Variants in R3HDM4 observed in about 807,000 individuals in gnomAD.
R3HDM4 encodes R3H domain containing 4.
Under a neutral mutation model 31.3 loss-of-function variants are expected in R3HDM4, and 30 were observed. That is an observed-to-expected ratio of 0.96 (90% CI 0.72 to 1.30). The LOEUF (loss-of-function observed/expected upper bound fraction) is 1.30. Among genes scored for constraint, R3HDM4 ranks in the 50% most tolerant of loss-of-function variants. R3HDM4 has a pLI of 0.00. For missense variants in R3HDM4, 444 were observed against 366.1 expected (o/e 1.21, Z -1.74); for synonymous variants, 196 against 156.6 (o/e 1.25, Z -1.88).
In R3HDM4 at chr19:907,977, G is replaced by C. The variant is rs561342955; in HGVS notation, c.71+5110C>G. Among the ~76,000 whole-genome samples, 1 of 151,684 alleles carries C rather than the reference G, an allele frequency of 6.6e-6. No individual in the cohort carries two copies. The highest frequency in any genetic ancestry group is 2.4e-5 in the African/African-American group (1 of 41,270). On this transcript the variant is annotated intron_variant, in intron 1 of 7. Transcript: ENST00000361574. The surrounding 1 kb of genome is among the most constrained non-coding windows in gnomAD (Gnocchi z 4.1). Reference sequence around the variant, plus strand: ...TGGGAGGCCGAGGCGGGCGGATCATGAGGTCAAGAGATGGAGACCATCCTG... The same window carrying C: ...TGGGAGGCCGAGGCGGGCGGATCATCAGGTCAAGAGATGGAGACCATCCTG...
intron 3 of R3HDM4, 80 bp from the exon 4 acceptor site, chr19:901,032 G>C: frequency 6.8e-7 from 1 of 1,474,038 alleles, no homozygotes. Context: ...GGCACGGTAA[G>C]GCCGCCAAGC....
chr19:909,296 C>A (rs1473034318), intron 1 of R3HDM4, among the ~76,000 whole-genome samples: 3 of 152,296 alleles, frequency 2.0e-5, no homozygotes, highest in African/African-American at 7.2e-5. Context: ...CTAGAGACAG[C>A]AAGAGAGGAA....
intron 3 of R3HDM4, 39 bp downstream of exon 3, chr19:901,383 G>A (rs1315172344): frequency 6.3e-7 from 1 of 1,584,958 alleles, no homozygotes. Flanking sequence ...AACTGCCGGG[G>A]TCCCCGTGTG....
rs1206484567 is a variant in R3HDM4 at position 896,778 on chromosome 19, T to A, written c.*659A>T. The A allele has an allele frequency of 6.6e-6, 1 of 152,486 alleles. No individual in the cohort carries two copies. Among genetic ancestry groups the A allele is most frequent in the African/African-American group, 2.4e-5 (1 of 41,414 alleles). The allele number at this position is 152,486 out of a possible 1,614,324, so 9.4% of individuals were successfully genotyped here. On this transcript the variant is annotated 3_prime_UTR_variant, in exon 8 of 8. Coordinates refer to ENST00000361574, the MANE Select transcript of R3HDM4 (RefSeq NM_138774.4). The surrounding 1 kb of genome is among the most constrained non-coding windows in gnomAD (Gnocchi z 4.0). ...GGGGAGGAAAGGAAGGGGGCTCATA[T>A]AAAGCAGGAGACCCTGAGCCCCGAC...
Position 901,154 on chromosome 19 carries a change from G to A in R3HDM4, c.352-202C>T, listed in dbSNP as rs1357414382. On this transcript the variant is annotated intron_variant, in intron 3 of 7. Coordinates refer to ENST00000361574, the MANE Select transcript of R3HDM4 (RefSeq NM_138774.4). ...ACCGGGGTGGGCCCAGCTGTCTCGG[G>A]GTGGGGGGGATTGAGGTGAAACACT... is the stretch of plus-strand genomic sequence containing the variant. 2.1e-5 allele frequency: 15 copies of A among 711,608 alleles called. 1 individual carries two copies. In the Middle Eastern group the frequency reaches 1.6e-3, roughly 76 times the overall value. 44.1% of individuals were successfully genotyped at this position (711,608 alleles called of 1,614,324 possible).
Position 901,013 on chromosome 19 carries a change from G to T in R3HDM4, c.352-61C>A, listed in dbSNP as rs992969548. On this transcript the variant is annotated intron_variant, in intron 3 of 7. Coordinates refer to ENST00000361574, the MANE Select transcript of R3HDM4 (RefSeq NM_138774.4). ...ACACTGGGGCTGCGCTGACATCCCCGGGCAAATGGGCACGGTAAGGCCGCC... is the reference window on the plus strand; with the variant it reads ...ACACTGGGGCTGCGCTGACATCCCCTGGCAAATGGGCACGGTAAGGCCGCC... The T allele has an allele frequency of 6.0e-6, 9 of 1,498,126 alleles. No individual in the cohort carries two copies. In the African/African-American group the frequency reaches 8.5e-5, roughly 14 times the overall value. The allele number at this position is 1,498,126 out of a possible 1,614,324, so 92.8% of individuals were successfully genotyped here.
chr19:905,236 G>A (rs1461336227), intron 1 of R3HDM4, among the ~76,000 whole-genome samples: 1 of 151,602 alleles, frequency 6.6e-6, no homozygotes, highest in Non-Finnish European at 1.5e-5. Context: ...GGGCGCAGTG[G>A]CTTATGCCTG....
In R3HDM4 at chr19:897,549, G is replaced by C. The variant is rs375610312; in HGVS notation, c.704-9C>G. On this transcript the variant is annotated splice_polypyrimidine_tract_variant and intron_variant, in intron 7 of 7. Coordinates refer to ENST00000361574, the MANE Select transcript of R3HDM4 (RefSeq NM_138774.4). ...CCCCTCCAGGTCAGCACCTGCAGAC[G>C]GGACCAGCGGGGCAAGAACGGGAGG... The C allele has an allele frequency of 6.3e-7, 1 of 1,599,878 alleles. No individual in the cohort carries two copies. The highest frequency in any genetic ancestry group is 8.5e-7 in the Non-Finnish European group (1 of 1,172,368).
At chr19:902,241 C>A (rs1483535665) in intron 1 of R3HDM4, 111 bp from the exon 2 acceptor site, 8 of 1,224,488 alleles carry the variant, frequency 6.5e-6, no homozygotes, top group Non-Finnish European at 9.2e-6. Flanking sequence ...GGAGAGCTCA[C>A]CCCTACGGTG....
chr19:903,856 C>G lies in R3HDM4; in HGVS notation c.72-1726G>C, dbSNP rs533506748. ...ATGAGGTCAGGAGATTGAGACCATC[C>G]CGGCTAACACGGTGAAACCCCGTCT... is the stretch of plus-strand genomic sequence containing the variant. On this transcript the variant is annotated intron_variant, in intron 1 of 7. Coordinates refer to ENST00000361574, the MANE Select transcript of R3HDM4 (RefSeq NM_138774.4). 1.8e-3 allele frequency among the ~76,000 whole-genome samples: 275 copies of G among 152,208 alleles called. 1 individual carries two copies. Among genetic ancestry groups the G allele is most frequent in the African/African-American group, 6.4e-3 (267 of 41,542 alleles).
Position 897,343 on chromosome 19 carries a change from A to T in R3HDM4, c.*94T>A. The stretch of plus-strand genomic sequence containing the variant: ...CCCCAAGCGAAAAAGGTTTCCGAGG[A>T]CAAATTCTAAAAATATGAAAGATAT... On this transcript the variant is annotated 3_prime_UTR_variant, in exon 8 of 8. Coordinates refer to ENST00000361574, the MANE Select transcript of R3HDM4 (RefSeq NM_138774.4). 1 of 990,882 alleles carries T rather than the reference A, an allele frequency of 1.0e-6. No homozygotes were observed. The highest frequency in any genetic ancestry group is 1.5e-6 in the Non-Finnish European group (1 of 681,862). 61.4% of individuals were successfully genotyped at this position (990,882 alleles called of 1,614,324 possible).
intron 1 of R3HDM4, among the ~76,000 whole-genome samples, chr19:904,313 C>G (rs556659825): frequency 5.9e-5 from 9 of 152,334 alleles, no homozygotes; most frequent in Admixed American, 2.0e-4. Context: ...GCTGTAACCC[C>G]CACCGCCGGC....
chr19:902,007 C>A lies in R3HDM4; in HGVS notation c.195G>T (p.Lys65Asn), dbSNP rs758339277. The stretch of plus-strand genomic sequence containing the variant: ...CCAGGCGCTGGAGGCTCTTCCGCCC[C>A]TTGGCCTTGGGCACGAGGTCTGAGT... ...VRNSDLVPKA[K>N]GRKSLQRLEN... The change falls in exon 2 of 8, where the codon AAG becomes AAT. Residue 65 changes from lysine (K) to asparagine (N), a missense_variant. Physicochemically the swap from Lys to Asn is moderately conservative, Grantham distance 94 (BLOSUM62 0). Coordinates refer to ENST00000361574, the MANE Select transcript of R3HDM4 (RefSeq NM_138774.4). The A allele has an allele frequency of 6.2e-7, 1 of 1,613,870 alleles. No individual in the cohort carries two copies. The highest frequency in any genetic ancestry group is 8.5e-7 in the Non-Finnish European group (1 of 1,180,020).
chr19:903,466 C>G (rs1027118836), intron 1 of R3HDM4, among the ~76,000 whole-genome samples: 1 of 151,510 alleles, frequency 6.6e-6, no homozygotes, highest in Non-Finnish European at 1.5e-5. Flanking sequence ...TGGGGGTAAG[C>G]GCGCACCGCA....
At chr19:901,686 G>A (rs2036839573) in intron 2 of R3HDM4, 140 bp from the exon 3 acceptor site, 4 of 1,165,226 alleles carry the variant, frequency 3.4e-6, no homozygotes, top group Admixed American at 2.7e-5. Flanking sequence ...TCCCCAGAAG[G>A]TACAGAGACC....
Position 900,966 on chromosome 19 carries a change from A to G in R3HDM4, c.352-14T>C, listed in dbSNP as rs772358910. Reference sequence around the variant, plus strand: ...ATCGTTCCAGACCTGGAAGAGAGGCAGGGAGGCAGGCTTGCCATGAAACAC... The same window carrying G: ...ATCGTTCCAGACCTGGAAGAGAGGCGGGGAGGCAGGCTTGCCATGAAACAC... On this transcript the variant is annotated splice_polypyrimidine_tract_variant and intron_variant, in intron 3 of 7. Coordinates refer to ENST00000361574, the MANE Select transcript of R3HDM4 (RefSeq NM_138774.4). 5 of 1,556,470 alleles carry G rather than the reference A, an allele frequency of 3.2e-6. No individual in the cohort carries two copies. Among genetic ancestry groups the G allele is most frequent in the Non-Finnish European group, 3.5e-6 (4 of 1,149,888 alleles).
In R3HDM4 at chr19:907,109, C is replaced by T. The variant is rs947791335; in HGVS notation, c.72-4979G>A. The stretch of plus-strand genomic sequence containing the variant: ...GGATTACAGGCATGAGCTACCACGC[C>T]CGGCCCTCATTATACAGATTTGTAA... On this transcript the variant is annotated intron_variant, in intron 1 of 7. Transcript: ENST00000361574. The surrounding 1 kb of genome is among the most constrained non-coding windows in gnomAD (Gnocchi z 4.1). 6.6e-6 allele frequency among the ~76,000 whole-genome samples: 1 copy of T among 152,162 alleles called. No individual in the cohort carries two copies. The highest frequency in any genetic ancestry group is 2.4e-5 in the African/African-American group (1 of 41,440).
At position 897,427 on chromosome 19, in the gene R3HDM4, G is replaced by A. The variant is rs368321069; in HGVS notation, c.*10C>T. ...GGCGAGGTGGCAGCGGGGTCTCCGC[G>A]GGGCCGCCATCAGCTGTGCTGCTCC... On this transcript the variant is annotated 3_prime_UTR_variant, in exon 8 of 8. Transcript: ENST00000361574. The A allele has an allele frequency of 9.3e-5, 148 of 1,587,980 alleles. 1 individual carries two copies. The highest frequency in any genetic ancestry group is 4.7e-4 in the South Asian group (42 of 88,518).
rs751835405 is a variant in R3HDM4 at position 900,870 on chromosome 19, GCCTTGCTCCTGC to G, written c.422_433del (p.Gly141_Lys144del). 1 of 1,549,258 alleles carries G rather than the reference GCCTTGCTCCTGC, an allele frequency of 6.5e-7. No homozygotes were observed. The highest frequency in any genetic ancestry group is 2.4e-5 in the East Asian group (1 of 41,356). ...CCCACGGCCAGGGCCCCTCCTCCGC[GCCTTGCTCCTGC>G]CCTCATCCTCCAGGTAGCGAAGAAC... On this transcript the variant is annotated inframe_deletion, in exon 4 of 8. Coordinates refer to ENST00000361574, the MANE Select transcript of R3HDM4 (RefSeq NM_138774.4).
Sources: gnomAD v4.1 joint callset for allele counts (sites outside exome capture counted in the v4.1 genomes callset) on GRCh38, gnomAD v4.1.1 for gene constraint, Gnocchi (gnomAD v3.1) non-coding constraint, MANE v1.5 for transcripts, NCBI Gene and HGNC (gene_info 2026-07-23, HGNC 2026-07-21) for gene names.